Variants in EFCAB6 observed in about 807,000 individuals in gnomAD.
EFCAB6 encodes EF-hand calcium-binding domain-containing protein 6.
A neutral mutation model predicts 169.8 loss-of-function variants in EFCAB6; 156 were observed. The observed-to-expected ratio is 0.92, with a 90% CI of 0.81 to 1.05. The LOEUF (loss-of-function observed/expected upper bound fraction) is 1.05, where lower values mean the gene tolerates loss of function less well. Among genes scored for constraint, EFCAB6 ranks in the 50% least tolerant of loss-of-function variants. The probability of loss-of-function intolerance (pLI) is 0.00; values close to 1 mark genes in which losing one functional copy is unlikely to be tolerated. For missense variants in EFCAB6, 1,800 were observed against 1,829.1 expected, an observed-to-expected ratio of 0.98 and a Z score of 0.29; for synonymous variants, 698 against 676.4, an observed-to-expected ratio of 1.03 and a Z score of -0.50.
chr22:43,599,463 C>T (rs2052316440), intron 23 of EFCAB6, among the ~76,000 whole-genome samples: 2 of 126,688 alleles, frequency 1.6e-5, no homozygotes, highest in African/African-American at 6.1e-5. Context: ...TGAGCTCAGA[C>T]AGCGCCATTG....
chr22:43,620,065 C>A (rs1033032631), intron 20 of EFCAB6, among the ~76,000 whole-genome samples: 3 of 152,156 alleles, frequency 2.0e-5, no homozygotes, highest in African/African-American at 7.2e-5. Context: ...TGCCTGTGAT[C>A]CAAGCCCTTT....
At chr22:43,796,686 C>T (rs1054902636) in intron 2 of EFCAB6, among the ~76,000 whole-genome samples, 2 of 152,178 alleles carry the variant, frequency 1.3e-5, no homozygotes, top group African/African-American at 4.8e-5. Flanking sequence ...CAATTACGCT[C>T]TCTCCCAGCT....
At position 43,537,140 on chromosome 22, in the gene EFCAB6, T is replaced by C. The variant is rs1467494026; in HGVS notation, c.4048+237A>G. 6.7e-6 allele frequency: 3 copies of C among 449,222 alleles called. No individual in the cohort carries two copies. The highest frequency in any genetic ancestry group is 5.8e-5 in the African/African-American group (3 of 51,362). 27.8% of individuals were successfully genotyped at this position (449,222 alleles called of 1,614,324 possible). Reference sequence around the variant, plus strand: ...TGTGATTTCTAAAGCTCAGAGTTAGTGCAGCGCTGACTTTACCATGCAGAT... The same window carrying C: ...TGTGATTTCTAAAGCTCAGAGTTAGCGCAGCGCTGACTTTACCATGCAGAT... On this transcript the variant is annotated intron_variant, in intron 29 of 31. Coordinates refer to ENST00000262726, the MANE Select transcript of EFCAB6 (RefSeq NM_022785.4). The surrounding 1 kb of genome is among the most constrained non-coding windows in gnomAD (Gnocchi z 4.3).
Position 43,715,204 on chromosome 22 carries a change from T to C in EFCAB6, c.882+1644A>G, listed in dbSNP as rs912861562. 2.0e-5 allele frequency among the ~76,000 whole-genome samples: 3 copies of C among 152,174 alleles called. No homozygotes were observed. The South Asian group carries it at 6.2e-4, about 31-fold the overall frequency. On this transcript the variant is annotated intron_variant, in intron 9 of 31. Transcript: ENST00000262726. Reference sequence around the variant, plus strand: ...CCTAATAAGTCTTGCGGGAAGGAAATGTTCATCCAGAGTTCTTAGTGTCTC... The same window carrying C: ...CCTAATAAGTCTTGCGGGAAGGAAACGTTCATCCAGAGTTCTTAGTGTCTC...
rs2047458459 is a variant in EFCAB6, at chr22:43,537,612, T to C, written c.3880-67A>G. 6.6e-6 allele frequency: 10 copies of C among 1,522,528 alleles called. No individual in the cohort carries two copies. The highest frequency in any genetic ancestry group is 8.8e-6 in the Non-Finnish European group (10 of 1,131,116). The allele number at this position is 1,522,528 out of a possible 1,614,324, so 94.3% of individuals were successfully genotyped here. A position where few individuals can be genotyped will look rare whatever the true frequency, so the allele number is the denominator to read the frequency against. ...TAAAACGGAAGTCATCAAAAATACCTCAATACCTCCAGTTTTGAGGTTCAC... is the reference window on the plus strand; with the variant it reads ...TAAAACGGAAGTCATCAAAAATACCCCAATACCTCCAGTTTTGAGGTTCAC... On this transcript the variant is annotated intron_variant, in intron 28 of 31. Transcript: ENST00000262726. The surrounding 1 kb of genome is among the most constrained non-coding windows in gnomAD (Gnocchi z 4.3).
At chr22:43,694,181 T>C (rs1445311279) in intron 10 of EFCAB6, among the ~76,000 whole-genome samples, 3 of 151,876 alleles carry the variant, frequency 2.0e-5, no homozygotes, top group African/African-American at 7.3e-5. Context: ...GTCTGATACA[T>C]ATGTACTTGG....
chr22:43,579,378 C>T (rs911341581), intron 25 of EFCAB6, among the ~76,000 whole-genome samples: 19 of 151,708 alleles, frequency 1.3e-4, no homozygotes, highest in African/African-American at 4.6e-4. Flanking sequence ...AGGCATCATT[C>T]CCTACACGCA....
At chr22:43,615,455 C>T (rs2053623989) in intron 21 of EFCAB6, among the ~76,000 whole-genome samples, 1 of 152,184 alleles carries the variant, frequency 6.6e-6, no homozygotes, top group African/African-American at 2.4e-5. Context: ...TTAAGTACAA[C>T]AGCATCTTAT....
chr22:43,736,675 C>A (rs1368301074), intron 6 of EFCAB6, among the ~76,000 whole-genome samples: 1 of 151,792 alleles, frequency 6.6e-6, no homozygotes, highest in Admixed American at 6.6e-5. Flanking sequence ...CCTGTGGATC[C>A]ACAGGGAGCA....
chr22:43,559,919 C>T (rs935928554), intron 26 of EFCAB6, among the ~76,000 whole-genome samples: 6 of 152,154 alleles, frequency 3.9e-5, no homozygotes, highest in African/African-American at 1.4e-4. Flanking sequence ...GCATGTGGGG[C>T]TTAAAACCTA....
Position 43,670,680 on chromosome 22 carries a change from G to A in EFCAB6, c.1640+1293C>T, listed in dbSNP as rs116313969. On this transcript the variant is annotated intron_variant, in intron 15 of 31. Coordinates refer to ENST00000262726, the MANE Select transcript of EFCAB6 (RefSeq NM_022785.4). The stretch of plus-strand genomic sequence containing the variant: ...TTCATGTGGCTACGTATGAAGCACT[G>A]TGCTAACTACTGTTGCCACAACTGT... Among the ~76,000 whole-genome samples, 741 of 152,304 alleles carry A rather than the reference G, an allele frequency of 4.9e-3. 4 individuals are homozygous for A. The highest frequency in any genetic ancestry group is 0.017 in the African/African-American group (705 of 41,560).
chr22:43,619,855 A>C (rs571596346), intron 20 of EFCAB6, among the ~76,000 whole-genome samples: 2 of 151,786 alleles, frequency 1.3e-5, no homozygotes, highest in South Asian at 2.1e-4. Flanking sequence ...AATGCCATAA[A>C]TTTGGCATAA....
chr22:43,784,539 G>GTATATGTATATATACACATATA (rs1412650507), intron 2 of EFCAB6, among the ~76,000 whole-genome samples: 9 of 91,954 alleles, frequency 9.8e-5, no homozygotes, highest in African/African-American at 2.1e-4. Flanking sequence ...GTGTGTGTGT[G>GTATATGTATATATACACATATA]TGTGTATATG....
intron 23 of EFCAB6, among the ~76,000 whole-genome samples, chr22:43,592,729 C>T (rs2051656005): frequency 6.6e-6 from 1 of 152,154 alleles, no homozygotes; most frequent in Non-Finnish European, 1.5e-5. Context: ...CACAGAGCCC[C>T]TCACACACAC....
chr22:43,800,632 T>A (rs1169701290), intron 2 of EFCAB6, among the ~76,000 whole-genome samples: 1 of 152,222 alleles, frequency 6.6e-6, no homozygotes, highest in African/African-American at 2.4e-5. Context: ...GAGATTGAGA[T>A]AAATTTTTTA....
At chr22:43,567,022 G>C (rs1185491677) in intron 26 of EFCAB6, among the ~76,000 whole-genome samples, 1 of 152,038 alleles carries the variant, frequency 6.6e-6, no homozygotes, top group African/African-American at 2.4e-5. Context: ...ACCTGGGCTG[G>C]CTCCTCAACT....
intron 18 of EFCAB6, among the ~76,000 whole-genome samples, chr22:43,634,445 G>GA (rs1297020240): frequency 6.6e-6 from 1 of 152,120 alleles, no homozygotes; most frequent in Non-Finnish European, 1.5e-5. Context: ...CCAAGGCTGG[G>GA]AAAATGAAAA....
chr22:43,762,637 T>C (rs1390640009), intron 5 of EFCAB6, among the ~76,000 whole-genome samples: 1 of 152,254 alleles, frequency 6.6e-6, no homozygotes, highest in Non-Finnish European at 1.5e-5. Context: ...ACAACAAAGA[T>C]AATTCTGCTT....
Position 43,744,287 on chromosome 22 carries a change from G to C in EFCAB6, c.508-8294C>G, listed in dbSNP as rs1376484939. 6.6e-6 allele frequency among the ~76,000 whole-genome samples: 1 copy of C among 152,052 alleles called. No homozygotes were observed. The highest frequency in any genetic ancestry group is 1.5e-5 in the Non-Finnish European group (1 of 68,004). ...ATGGATGAGTGGGTGGGTAGGTGGG[G>C]AGATTGCAAGCCAAGACAATCCTTG... is the stretch of plus-strand genomic sequence containing the variant. On this transcript the variant is annotated intron_variant, in intron 6 of 31. Transcript: ENST00000262726. This position sits in a 1 kb window ranked among gnomAD's most constrained non-coding sequence, Gnocchi z 4.3.
Sources: allele counts gnomAD v4.1 joint callset (sites outside exome capture counted in the v4.1 genomes callset), GRCh38; gene constraint gnomAD v4.1.1; non-coding constraint Gnocchi (gnomAD v3.1); transcripts MANE v1.5; gene names NCBI Gene and HGNC (gene_info 2026-07-23, HGNC 2026-07-21).